Variants in CSMD1 observed in about 807,000 individuals in gnomAD.
CSMD1 encodes the protein CUB and sushi domain-containing protein 1.
In CSMD1, 213 loss-of-function variants were observed where a neutral mutation model predicts 417.5. The observed-to-expected ratio is 0.51, with a 90% CI of 0.46 to 0.57. The LOEUF (loss-of-function observed/expected upper bound fraction) is 0.57. Ranked by LOEUF, CSMD1 falls within the 20% of genes least tolerant of loss-of-function variation. The pLI is 0.00. For missense variants in CSMD1, 6,923 were observed against 4,529.7 expected, an observed-to-expected ratio of 1.53 and a Z score of -15.17; for synonymous variants, 2,862 against 1,736.8, an observed-to-expected ratio of 1.65 and a Z score of -16.11.
At chr8:4,059,038 G>C (rs1013355306) in intron 3 of CSMD1, among the ~76,000 whole-genome samples, 23 of 152,116 alleles carry the variant, frequency 1.5e-4, no homozygotes, top group Admixed American at 3.3e-4. Flanking sequence ...CCATACAGTT[G>C]GAAGTAAAGC....
intron 3 of CSMD1, among the ~76,000 whole-genome samples, chr8:4,228,359 C>T (rs1055380110): frequency 2.0e-5 from 3 of 152,134 alleles, no homozygotes; most frequent in Non-Finnish European, 4.4e-5. Flanking sequence ...TTTTCCTTTC[C>T]AGTTTTCCTC....
At chr8:3,828,976 G>A (rs1341900565) in intron 5 of CSMD1, among the ~76,000 whole-genome samples, 1 of 151,998 alleles carries the variant, frequency 6.6e-6, no homozygotes, top group Non-Finnish European at 1.5e-5. Context: ...CAGTTCCTTA[G>A]GGTTTTTACC....
chr8:4,456,265 G>T (rs542682371), intron 2 of CSMD1, among the ~76,000 whole-genome samples: 1 of 152,138 alleles, frequency 6.6e-6, no homozygotes, highest in African/African-American at 2.4e-5. Flanking sequence ...TAACAGAAAA[G>T]ATGTTAAGTG....
chr8:4,041,158 A>T, intron 3 of CSMD1, among the ~76,000 whole-genome samples: 1 of 151,346 alleles, frequency 6.6e-6, no homozygotes, highest in East Asian at 2.0e-4. Context: ...CTGGGACTAC[A>T]GGCGCCCGCC....
At chr8:3,860,591 C>T (rs1804633826) in intron 5 of CSMD1, among the ~76,000 whole-genome samples, 1 of 152,134 alleles carries the variant, frequency 6.6e-6, no homozygotes, top group Non-Finnish European at 1.5e-5. Context: ...AACCATATTA[C>T]ACATCATATA....
intron 5 of CSMD1, among the ~76,000 whole-genome samples, chr8:3,772,094 G>A (rs1039529790): frequency 1.3e-5 from 2 of 150,092 alleles, no homozygotes; most frequent in African/African-American, 4.9e-5. Context: ...GTTGATATTA[G>A]GGTGATTTTG....
intron 3 of CSMD1, among the ~76,000 whole-genome samples, chr8:4,166,962 G>A (rs998584675): frequency 2.6e-5 from 4 of 152,206 alleles, no homozygotes; most frequent in African/African-American, 7.2e-5. Context: ...GACAGCACAT[G>A]CTGAAGGCAC....
rs138330749 is a variant in CSMD1, at chr8:3,036,915, G to C, written c.7661-7402C>G. Among the ~76,000 whole-genome samples, 1,325 of 152,238 alleles carry C rather than the reference G, an allele frequency of 8.7e-3. 28 individuals are homozygous for C. Among genetic ancestry groups the C allele is most frequent in the African/African-American group, 0.03 (1,254 of 41,546 alleles). On this transcript the variant is annotated intron_variant, in intron 50 of 69. Transcript: ENST00000635120. ...TGATTTCTGGGATTTCAGTGCACCT[G>C]TCATCCAAGCAGTGTGCACTGTATC...
chr8:2,952,519 A>T (rs1375438181), intron 65 of CSMD1, among the ~76,000 whole-genome samples: 3 of 152,130 alleles, frequency 2.0e-5, no homozygotes, highest in African/African-American at 7.2e-5. Context: ...AATAAGTAAA[A>T]AACTCATATA....
At chr8:4,667,346 T>A (rs1048265131) in intron 1 of CSMD1, among the ~76,000 whole-genome samples, 7 of 152,136 alleles carry the variant, frequency 4.6e-5, no homozygotes, top group Admixed American at 3.9e-4. Flanking sequence ...GATTCTCTGC[T>A]TTTCTGCAAA....
chr8:4,598,716 T>G (rs1222609875), intron 2 of CSMD1, among the ~76,000 whole-genome samples: 2 of 152,188 alleles, frequency 1.3e-5, no homozygotes, highest in Non-Finnish European at 2.9e-5. Flanking sequence ...AGTGCCAGTG[T>G]GGGTACTGGT....
chr8:4,960,754 G>A (rs1462407311), intron 1 of CSMD1, among the ~76,000 whole-genome samples: 1 of 151,998 alleles, frequency 6.6e-6, no homozygotes, highest in African/African-American at 2.4e-5. Flanking sequence ...CTTTATAAGG[G>A]TACACAAGTT....
intron 1 of CSMD1, among the ~76,000 whole-genome samples, chr8:4,650,933 A>T (rs1803855733): frequency 6.6e-6 from 1 of 152,242 alleles, no homozygotes; most frequent in Non-Finnish European, 1.5e-5. Flanking sequence ...CCTTGCTTTA[A>T]CCATTACAAA....
chr8:4,768,307 G>A (rs567136154), intron 1 of CSMD1, among the ~76,000 whole-genome samples: 4 of 151,894 alleles, frequency 2.6e-5, no homozygotes, highest in African/African-American at 4.8e-5. Flanking sequence ...ACACTCATTC[G>A]TATACTCGCC....
intron 61 of CSMD1, 139 bp downstream of exon 61, chr8:2,962,327 G>T: frequency 1.4e-6 from 1 of 709,538 alleles, no homozygotes; most frequent in Non-Finnish European, 2.3e-6. Context: ...ATCCTACTCA[G>T]TGCAAAAATT....
At chr8:3,652,113 C>T (rs564565512) in intron 7 of CSMD1, among the ~76,000 whole-genome samples, 17 of 81,112 alleles carry the variant, frequency 2.1e-4, no homozygotes, top group South Asian at 3.5e-4. Flanking sequence ...ACCATCAGCA[C>T]GCTTACCATC....
At chr8:3,857,995 T>A (rs1286615819) in intron 5 of CSMD1, among the ~76,000 whole-genome samples, 4 of 152,220 alleles carry the variant, frequency 2.6e-5, no homozygotes, top group Non-Finnish European at 5.9e-5. Context: ...TGGTGCGGTC[T>A]CTGCACAAGA....
chr8:4,250,834 G>C (rs923323928), intron 3 of CSMD1, among the ~76,000 whole-genome samples: 2 of 152,144 alleles, frequency 1.3e-5, no homozygotes, highest in Non-Finnish European at 2.9e-5. Context: ...ATGTTTTTTA[G>C]AATATGTCAA....
chr8:4,884,420 G>T (rs1803597003), intron 1 of CSMD1, among the ~76,000 whole-genome samples: 1 of 152,026 alleles, frequency 6.6e-6, no homozygotes, highest in South Asian at 2.1e-4. Context: ...GTTGTTGCTT[G>T]TGCTTTTGCT....
Sources: gnomAD v4.1 joint callset for allele counts (sites outside exome capture counted in the v4.1 genomes callset) on GRCh38, gnomAD v4.1.1 for gene constraint, MANE v1.5 for transcripts, NCBI Gene and HGNC (gene_info 2026-07-23, HGNC 2026-07-21) for gene names.